The following ZNF638 variants were observed in gnomAD, a reference collection of about 807,000 sequenced individuals.
The protein encoded by ZNF638 is zinc finger protein 638.
In ZNF638, 46 loss-of-function variants were observed where a neutral mutation model predicts 195.6. The observed-to-expected ratio is 0.24, with a 90% confidence interval of 0.19 to 0.30. The LOEUF is 0.30. Among genes scored for constraint, ZNF638 ranks in the 10% least tolerant of loss-of-function variants. The pLI, the probability that ZNF638 is intolerant of heterozygous loss-of-function variation, is 1.00. For missense variants in ZNF638, 2,440 were observed against 2,325.3 expected, an observed-to-expected ratio of 1.05 and a Z score of -1.01; for synonymous variants, 845 against 772.0, an observed-to-expected ratio of 1.09 and a Z score of -1.57.
At chr2:71,400,301 G>C in intron 14 of ZNF638, 121 bp downstream of exon 14, 1 of 1,056,206 alleles carries the variant, frequency 9.5e-7, no homozygotes, top group Admixed American at 3.0e-5. Context: ...TTTGATCTCA[G>C]AATGAAATTT....
At chr2:71,428,055 G>C (rs1400753765) in intron 24 of ZNF638, among the ~76,000 whole-genome samples, 2 of 152,026 alleles carry the variant, frequency 1.3e-5, no homozygotes. Context: ...AGCCAGGCAC[G>C]GTGGCATGCG....
chr2:71,377,297 A>G (rs1344333485), intron 8 of ZNF638, among the ~76,000 whole-genome samples: 2 of 152,158 alleles, frequency 1.3e-5, no homozygotes, highest in Non-Finnish European at 2.9e-5. Context: ...TCAGATTTCT[A>G]ATAAAACGCT....
Position 71,355,798 on chromosome 2 carries a change from C to T in ZNF638, c.1379+18C>T, listed in dbSNP as rs200705102. ...CGTCAACAGTAAGAATATATTTTTC[C>T]TTTATTATAGATAGCATATTTACAA... On this transcript the variant is annotated intron_variant, in intron 3 of 27. Coordinates refer to ENST00000264447, the MANE Select transcript of ZNF638 (RefSeq NM_014497.5). 5.3e-6 allele frequency: 8 copies of T among 1,498,832 alleles called. No homozygotes were observed. Among genetic ancestry groups the T allele is most frequent in the Non-Finnish European group, 7.3e-6 (8 of 1,092,914 alleles). 92.8% of individuals were successfully genotyped at this position (1,498,832 alleles called of 1,614,324 possible). A position where few individuals can be genotyped will look rare whatever the true frequency, so the allele number is the denominator to read the frequency against.
rs1442488110 is a variant in ZNF638 at position 71,400,522 on chromosome 2, A to T, written c.2697+4A>T. Reference sequence around the variant, plus strand: ...AGAGAATGAACCACTTAACAAGGTCAGTTTTCATGTTTTATTTATTTCTTT... The same window carrying T: ...AGAGAATGAACCACTTAACAAGGTCTGTTTTCATGTTTTATTTATTTCTTT... On this transcript the variant is annotated splice_donor_region_variant and intron_variant, in intron 15 of 27. Coordinates refer to ENST00000264447, the MANE Select transcript of ZNF638 (RefSeq NM_014497.5). The T allele has an allele frequency of 4.4e-6, 7 of 1,597,176 alleles. No homozygotes were observed. The highest frequency in any genetic ancestry group is 1.4e-5 in the African/African-American group (1 of 73,902).
chr2:71,349,859 A>C lies in ZNF638; in HGVS notation c.905A>C (p.Gln302Pro). 6.2e-7 allele frequency: 1 copy of C among 1,614,218 alleles called. No individual in the cohort carries two copies. Reference sequence around the variant, plus strand: ...TCAGGCTTACACATTTCAGGAGGACAGTCAGTCCTTGAACCCATAAAATCC... The same window carrying C: ...TCAGGCTTACACATTTCAGGAGGACCGTCAGTCCTTGAACCCATAAAATCC... Reference protein sequence around the residue: ...KMSGLHISGGQSVLEPIKSVN... With the variant: ...KMSGLHISGGPSVLEPIKSVN... The change falls in exon 2 of 28, where the codon CAG (glutamine) becomes CCG (proline). Residue 302 changes from glutamine (Q) to proline (P), a missense_variant. Gln to Pro is a moderately conservative substitution (Grantham distance 76, BLOSUM62 -1). Transcript: ENST00000264447.
intron 3 of ZNF638, among the ~76,000 whole-genome samples, chr2:71,361,248 C>T (rs967927185): frequency 1.3e-5 from 2 of 152,164 alleles, no homozygotes; most frequent in South Asian, 4.1e-4. Context: ...CCACCATGCT[C>T]CACCATTATT....
chr2:71,409,332 GTTTT>G (rs1179401168), intron 20 of ZNF638, among the ~76,000 whole-genome samples: 1 of 152,072 alleles, frequency 6.6e-6, no homozygotes, highest in Non-Finnish European at 1.5e-5. Context: ...AACACTTACT[GTTTT>G]TGTTAGACTG....
At chr2:71,351,174 C>T (rs1019873532) in intron 2 of ZNF638, among the ~76,000 whole-genome samples, 1 of 152,138 alleles carries the variant, frequency 6.6e-6, no homozygotes, top group Non-Finnish European at 1.5e-5. Context: ...AAGGCCATGG[C>T]CTGGAATTGG....
rs766302407 is a variant in ZNF638 at position 71,401,931 on chromosome 2, C to G, written c.2698-25C>G. The G allele has an allele frequency of 1.3e-6, 2 of 1,536,858 alleles. 1 individual carries two copies. The highest frequency in any genetic ancestry group is 3.7e-4 in the Middle Eastern group (2 of 5,428). On this transcript the variant is annotated intron_variant, in intron 15 of 27. Coordinates refer to ENST00000264447, the MANE Select transcript of ZNF638 (RefSeq NM_014497.5). ...ATATGAAACAAAGAAATTTTAATAA[C>G]AGGTTTTAAAAATTTGTTTTGAAGG... is the stretch of plus-strand genomic sequence containing the variant.
chr2:71,399,014 A>G (rs988444291), intron 12 of ZNF638, among the ~76,000 whole-genome samples: 2 of 152,154 alleles, frequency 1.3e-5, no homozygotes, highest in African/African-American at 4.8e-5. Context: ...TTGTAATCAC[A>G]GGTTGCTCTG....
At chr2:71,352,497 A>T (rs1297706226) in intron 2 of ZNF638, among the ~76,000 whole-genome samples, 118 of 5,986 alleles carry the variant, frequency 0.02, no homozygotes, top group African/African-American at 0.059. Context: ...AAAAAAAATA[A>T]AAAAAAAAAA....
intron 1 of ZNF638, among the ~76,000 whole-genome samples, chr2:71,340,277 A>T (rs527764062): frequency 6.6e-6 from 1 of 152,366 alleles, no homozygotes; most frequent in East Asian, 1.9e-4. Flanking sequence ...AACGTGAAAC[A>T]TGGTACTCTC....
intron 4 of ZNF638, 112 bp from the exon 5 acceptor site, chr2:71,363,841 GA>G (rs2079150376): frequency 7.7e-7 from 1 of 1,294,658 alleles, no homozygotes; most frequent in African/African-American, 1.5e-5. Flanking sequence ...TATCTTTTAT[GA>G]GAGTTTGGTA....
chr2:71,346,098 T>G (rs746592875), intron 1 of ZNF638, among the ~76,000 whole-genome samples: 6 of 152,232 alleles, frequency 3.9e-5, no homozygotes, highest in Non-Finnish European at 8.8e-5. Flanking sequence ...ACAATTCCAT[T>G]TAGTAATTAG....
In ZNF638 at chr2:71,349,805, T is replaced by C. The variant is rs759702639; in HGVS notation, c.851T>C (p.Phe284Ser). ...FPGESSNNRS[F>S]FSVESGTKMS... ...GGTGAGTCCTCCAATAATCGGTCCT[T>C]TTTCTCAGTTGAGAGTGGAACCAAG... Residue 284 changes from phenylalanine to serine, a missense_variant, in exon 2 of 28, where the codon TTT becomes TCT. Coordinates refer to ENST00000264447, the MANE Select transcript of ZNF638 (RefSeq NM_014497.5). 9 of 1,614,188 alleles carry C rather than the reference T, an allele frequency of 5.6e-6. No individual in the cohort carries two copies. In the East Asian group the frequency reaches 1.8e-4, roughly 32 times the overall value.
At chr2:71,379,978 A>T in intron 8 of ZNF638, 1 of 298,178 alleles carries the variant, frequency 3.4e-6, no homozygotes, top group East Asian at 6.3e-5. Context: ...GTTTCAAGGC[A>T]TCCACCAGGG....
intron 20 of ZNF638, among the ~76,000 whole-genome samples, chr2:71,411,307 T>A (rs926690597): frequency 1.3e-5 from 2 of 151,408 alleles, no homozygotes; most frequent in African/African-American, 4.8e-5. Flanking sequence ...CCCAGGGAAG[T>A]TTTTCTATTA....
intron 10 of ZNF638, among the ~76,000 whole-genome samples, chr2:71,385,219 G>A (rs907132112): frequency 6.6e-6 from 1 of 152,174 alleles, no homozygotes; most frequent in African/African-American, 2.4e-5. Flanking sequence ...CTAGAAAAGA[G>A]TATGACAGTT....
intron 3 of ZNF638, among the ~76,000 whole-genome samples, chr2:71,362,798 A>C (rs1310179838): frequency 1.3e-5 from 2 of 152,158 alleles, no homozygotes; most frequent in African/African-American, 2.4e-5. Flanking sequence ...GTATTCTGTG[A>C]GTTGCCATAT....
Sources: allele counts gnomAD v4.1 joint callset (sites outside exome capture counted in the v4.1 genomes callset), GRCh38; gene constraint gnomAD v4.1.1; transcripts MANE v1.5; gene names NCBI Gene and HGNC (gene_info 2026-07-23, HGNC 2026-07-21).